The following DSTN variants were observed in gnomAD, a reference collection of about 807,000 sequenced individuals.
DSTN encodes destrin, actin depolymerizing factor, also known as destrin.
In DSTN, 10 loss-of-function variants were observed where a neutral mutation model predicts 16.8. That is an observed-to-expected ratio of 0.60 (90% CI 0.37 to 1.01). The LOEUF is 1.01. Ranked by LOEUF, DSTN falls within the 50% of genes least tolerant of loss-of-function variation. The pLI, the probability that DSTN is intolerant of heterozygous loss-of-function variation, is 0.01. For missense variants in DSTN, 141 were observed against 196.7 expected (o/e 0.72, Z 1.69); for synonymous variants, 57 against 58.9 (o/e 0.97, Z 0.14).
chr20:17,600,547 T>C (rs13038541), intron 1 of DSTN, among the ~76,000 whole-genome samples, 191 bp from the exon 2 acceptor site: 15,196 of 152,234 alleles, frequency 0.1, 889 homozygotes, highest in African/African-American at 0.14. Flanking sequence ...AGGAATGGCA[T>C]ATATTTGTGA....
intron 1 of DSTN, among the ~76,000 whole-genome samples, chr20:17,574,870 G>GTTTTTTTTTTTTTT (rs533880691): frequency 1.1e-4 from 9 of 81,158 alleles, no homozygotes; most frequent in South Asian, 5.9e-4. Flanking sequence ...CTTTTCTTTT[G>GTTTTTTTTTTTTTT]TTTTTTTTTT....
At chr20:17,576,861 T>TA (rs767035094) in intron 1 of DSTN, among the ~76,000 whole-genome samples, 49 of 152,242 alleles carry the variant, frequency 3.2e-4, no homozygotes, top group Non-Finnish European at 3.5e-4. Context: ...CTTGTAAATG[T>TA]AATTAGTGTT....
At chr20:17,588,441 G>T (rs748610412) in intron 1 of DSTN, among the ~76,000 whole-genome samples, 1 of 152,164 alleles carries the variant, frequency 6.6e-6, no homozygotes, top group Non-Finnish European at 1.5e-5. Flanking sequence ...TATGTCATCA[G>T]CATGTCCTTA....
At chr20:17,575,753 C>T (rs1005844397) in intron 1 of DSTN, among the ~76,000 whole-genome samples, 5 of 152,108 alleles carry the variant, frequency 3.3e-5, no homozygotes, top group African/African-American at 1.2e-4. Context: ...GTCTTGAACT[C>T]CTGGGCTCAA....
intron 1 of DSTN, among the ~76,000 whole-genome samples, chr20:17,586,107 A>C (rs1260075048): frequency 6.6e-6 from 1 of 152,168 alleles, no homozygotes; most frequent in African/African-American, 2.4e-5. Flanking sequence ...TTCTTGTCTC[A>C]GTTAAGGATG....
chr20:17,587,271 CT>C (rs2035420823), intron 1 of DSTN, among the ~76,000 whole-genome samples: 1 of 151,086 alleles, frequency 6.6e-6, no homozygotes, highest in African/African-American at 2.4e-5. Flanking sequence ...AAGTCAAGTC[CT>C]TATTATTTTT....
At chr20:17,572,568 C>T (rs2122153912) in intron 1 of DSTN, among the ~76,000 whole-genome samples, 1 of 152,258 alleles carries the variant, frequency 6.6e-6, no homozygotes, top group Admixed American at 6.5e-5. Flanking sequence ...ATAATCTAAC[C>T]CTTAACCTTA....
chr20:17,604,022 A>T (rs908444041), intron 2 of DSTN, among the ~76,000 whole-genome samples: 13 of 151,850 alleles, frequency 8.6e-5, no homozygotes, highest in Admixed American at 8.5e-4. Flanking sequence ...TAAGTTTTTG[A>T]TTTATTCTTT....
intron 1 of DSTN, among the ~76,000 whole-genome samples, chr20:17,589,411 A>C (rs748201781): frequency 6.6e-6 from 1 of 152,164 alleles, no homozygotes; most frequent in Admixed American, 6.5e-5. Context: ...GGGTTTCACC[A>C]TGTTAACCAG....
intron 1 of DSTN, among the ~76,000 whole-genome samples, chr20:17,591,556 G>A (rs568168923): frequency 1.3e-4 from 20 of 152,256 alleles, no homozygotes; most frequent in Middle Eastern, 3.4e-3. Flanking sequence ...AATGAGCTAC[G>A]ATTTTATTCT....
At position 17,572,164 on chromosome 20, in the gene DSTN, G is replaced by A. The variant is rs2035214249; in HGVS notation, c.3+1953G>A. On this transcript the variant is annotated intron_variant, in intron 1 of 3. Transcript: ENST00000246069. Reference sequence around the variant, plus strand: ...CTACCGATGGGTTTGTTCTAAATTAGCAGAATCACTTCCTTGTACTCACCA... The same window carrying A: ...CTACCGATGGGTTTGTTCTAAATTAACAGAATCACTTCCTTGTACTCACCA... 5.3e-5 allele frequency among the ~76,000 whole-genome samples: 8 copies of A among 152,274 alleles called. 1 individual carries two copies. In the South Asian group the frequency reaches 1.7e-3, roughly 32 times the overall value.
chr20:17,601,122 G>A, intron 2 of DSTN, 77 bp downstream of exon 2: 1 of 1,463,726 alleles, frequency 6.8e-7, no homozygotes, highest in Middle Eastern at 1.8e-4. Context: ...CAGCACCAAA[G>A]TAATTTTTAT....
In DSTN at chr20:17,607,089, T is replaced by C; in HGVS notation, c.441T>C (p.Cys147=). Residue 147 remains cysteine (C), a synonymous_variant, in exon 4 of 4, where the codon TGT becomes TGC. Transcript: ENST00000246069. ...GACCAGAAGATCTCAATCGGGCTTG[T>C]ATTGCTGAAAAGTTAGGTGGATCCT... The part of the protein sequence containing the change: ...ANGPEDLNRA[C]IAEKLGGSLI... 6.2e-7 allele frequency: 1 copy of C among 1,613,448 alleles called. No individual in the cohort carries two copies. The highest frequency in any genetic ancestry group is 1.7e-5 in the Admixed American group (1 of 60,028).
At chr20:17,605,176 TGA>T (rs1170550145) in intron 3 of DSTN, 2 of 456,282 alleles carry the variant, frequency 4.4e-6, no homozygotes, top group East Asian at 1.4e-4. Flanking sequence ...GGGATCCTGA[TGA>T]GATGGCCTGG....
intron 2 of DSTN, among the ~76,000 whole-genome samples, chr20:17,603,406 A>T (rs565877230): frequency 6.6e-6 from 1 of 152,142 alleles, no homozygotes; most frequent in Non-Finnish European, 1.5e-5. Flanking sequence ...TTGTTATAAC[A>T]TTGAGAAAAA....
At chr20:17,599,842 C>T (rs994154675) in intron 1 of DSTN, 15 of 152,334 alleles carry the variant, frequency 9.8e-5, no homozygotes, top group Admixed American at 6.5e-4. Context: ...CAGTGCTGTT[C>T]AACCATGACT....
intron 1 of DSTN, among the ~76,000 whole-genome samples, chr20:17,582,113 C>T (rs1248054094): frequency 6.8e-6 from 1 of 146,312 alleles, no homozygotes; most frequent in East Asian, 2.0e-4. Context: ...GAGTCTCACC[C>T]TGTTGCCCAG....
chr20:17,592,805 G>C (rs2035484008), intron 1 of DSTN, among the ~76,000 whole-genome samples: 1 of 152,134 alleles, frequency 6.6e-6, no homozygotes, highest in African/African-American at 2.4e-5. Flanking sequence ...TCCAGTGATT[G>C]TCAACTACAA....
At chr20:17,600,656 C>T (rs2035576403) in intron 1 of DSTN, 82 bp from the exon 2 acceptor site, 21 of 1,388,318 alleles carry the variant, frequency 1.5e-5, no homozygotes, top group East Asian at 5.1e-5. Context: ...AAATATATGC[C>T]AATCTATAAG....
Sources: allele counts gnomAD v4.1 joint callset (sites outside exome capture counted in the v4.1 genomes callset), GRCh38; gene constraint gnomAD v4.1.1; transcripts MANE v1.5; gene names NCBI Gene and HGNC (gene_info 2026-07-23, HGNC 2026-07-21).